Variants in RORA observed in about 807,000 individuals in gnomAD.
RORA encodes nuclear receptor ROR-alpha.
Under a neutral mutation model 69.5 loss-of-function variants are expected in RORA, and 7 were observed. The ratio of observed to expected loss-of-function variants is 0.10; its 90% CI spans 0.06 to 0.19. The LOEUF is 0.19. Among genes scored for constraint, RORA ranks in the 10% least tolerant of loss-of-function variants. The pLI, the probability that RORA is intolerant of heterozygous loss-of-function variation, is 1.00. For synonymous variants in RORA, 261 were observed against 240.8 expected (o/e 1.08, Z -0.78); for missense variants, 457 against 663.0 (o/e 0.69, Z 3.41).
At chr15:60,546,910 C>G (rs2067087084) in intron 2 of RORA, among the ~76,000 whole-genome samples, 1 of 152,158 alleles carries the variant, frequency 6.6e-6, no homozygotes, top group Non-Finnish European at 1.5e-5. Flanking sequence ...CAGGATTTTC[C>G]CTCGTGTTGT....
chr15:61,091,713 G>A (rs2078710029), intron 1 of RORA, among the ~76,000 whole-genome samples: 1 of 152,228 alleles, frequency 6.6e-6, no homozygotes, highest in African/African-American at 2.4e-5. Flanking sequence ...AGGAAAGGTA[G>A]ACTCGACATA....
intron 1 of RORA, among the ~76,000 whole-genome samples, chr15:60,843,266 A>C (rs1459849987): frequency 6.6e-6 from 1 of 152,180 alleles, no homozygotes; most frequent in East Asian, 1.9e-4. Flanking sequence ...AGTCTCCTGC[A>C]CTCTAACTTC....
chr15:60,951,871 A>G (rs921836687), intron 1 of RORA, among the ~76,000 whole-genome samples: 7 of 151,440 alleles, frequency 4.6e-5, no homozygotes, highest in African/African-American at 1.4e-4. Context: ...ACAAGGAGGA[A>G]CTGGTACCAT....
At chr15:60,827,827 T>A (rs1022191770) in intron 1 of RORA, among the ~76,000 whole-genome samples, 1 of 152,234 alleles carries the variant, frequency 6.6e-6, no homozygotes, top group Non-Finnish European at 1.5e-5. Flanking sequence ...TCTTGAAGAC[T>A]CCTTTATAGC....
chr15:60,937,275 T>A (rs1028590899), intron 1 of RORA, among the ~76,000 whole-genome samples: 29 of 152,200 alleles, frequency 1.9e-4, no homozygotes, highest in African/African-American at 6.5e-4. Context: ...ACTCTCTGAA[T>A]TCTTCTAGAT....
chr15:60,901,615 GA>G (rs1400123192), intron 1 of RORA, among the ~76,000 whole-genome samples: 5 of 152,092 alleles, frequency 3.3e-5, no homozygotes, highest in Non-Finnish European at 4.4e-5. Flanking sequence ...CTGAAAAAAA[GA>G]ATACACATAA....
chr15:60,669,340 TTTGTTTGTTTG>T lies in RORA; in HGVS notation c.196+9306_196+9316del, dbSNP rs762146611. The stretch of plus-strand genomic sequence containing the variant: ...ATCTCTCCTTCCCAATAAGCGTTTT[TTTGTTTGTTTG>T]TTTGTTTGTTTGTTTGTTTGTTTTT... On this transcript the variant is annotated intron_variant, in intron 2 of 10. Transcript: ENST00000335670. Among the ~76,000 whole-genome samples, 88 of 89,770 alleles carry T rather than the reference TTTGTTTGTTTG, an allele frequency of 9.8e-4. 3 individuals carry two copies. The Middle Eastern group carries it at 0.047, about 47-fold the overall frequency. 58.9% of individuals were successfully genotyped at this position (89,770 alleles called of 152,430 possible). A position where few individuals can be genotyped will look rare whatever the true frequency, so the allele number is the denominator to read the frequency against.
At chr15:61,142,057 AC>A (rs998585370) in intron 1 of RORA, among the ~76,000 whole-genome samples, 11 of 134,624 alleles carry the variant, frequency 8.2e-5, no homozygotes, top group East Asian at 3.2e-4. Flanking sequence ...GACAGCAGTT[AC>A]CCTTTCACAT....
At chr15:60,869,778 A>G (rs1343701451) in intron 1 of RORA, among the ~76,000 whole-genome samples, 1 of 152,212 alleles carries the variant, frequency 6.6e-6, no homozygotes, top group Non-Finnish European at 1.5e-5. Context: ...AAAGTGCATA[A>G]GCGATGCTAG....
chr15:60,744,835 C>T (rs1251111862), intron 1 of RORA, among the ~76,000 whole-genome samples: 3 of 152,230 alleles, frequency 2.0e-5, no homozygotes, highest in East Asian at 1.9e-4. Flanking sequence ...TTCTCTGAGT[C>T]GGGAGCCAGG....
At chr15:60,861,167 A>G (rs184491836) in intron 1 of RORA, among the ~76,000 whole-genome samples, 1 of 152,348 alleles carries the variant, frequency 6.6e-6, no homozygotes, top group Admixed American at 6.5e-5. Context: ...GGAATTGACA[A>G]TGCATGAGGA....
intron 1 of RORA, among the ~76,000 whole-genome samples, chr15:61,083,034 G>A (rs1405863105): frequency 6.6e-6 from 1 of 152,020 alleles, no homozygotes; most frequent in Admixed American, 6.5e-5. Context: ...CTTCCTTTTC[G>A]CCTTTCCACA....
In RORA at chr15:60,605,732, C is replaced by A. The variant is rs145578764; in HGVS notation, c.196+72925G>T. ...TACAAAGCAAAACAGATAAGTAAAA[C>A]CACAGAGTAAATAATGATTATATTA... On this transcript the variant is annotated intron_variant, in intron 2 of 10. Coordinates refer to ENST00000335670, the MANE Select transcript of RORA (RefSeq NM_134261.3). Among the ~76,000 whole-genome samples, 697 of 152,226 alleles carry A rather than the reference C, an allele frequency of 4.6e-3. 6 individuals are homozygous for A. The highest frequency in any genetic ancestry group is 0.016 in the African/African-American group (672 of 41,544).
At chr15:60,578,173 C>A (rs1012959207) in intron 2 of RORA, among the ~76,000 whole-genome samples, 39 of 152,158 alleles carry the variant, frequency 2.6e-4, no homozygotes, top group African/African-American at 9.2e-4. Context: ...ATATTTTGCA[C>A]TTTGAGTGGA....
chr15:60,500,027 C>A (rs199988270), intron 9 of RORA, 23 bp from the exon 10 acceptor site: 2 of 1,421,504 alleles, frequency 1.4e-6, no homozygotes, highest in South Asian at 1.2e-5. Context: ...AAATGATATT[C>A]TTTAGCATTC....
intron 2 of RORA, chr15:60,592,482 C>A: frequency 7.4e-7 from 1 of 1,342,926 alleles, no homozygotes; most frequent in Non-Finnish European, 9.6e-7. Flanking sequence ...CCTCTGCCGC[C>A]GCCGCGCCGC....
intron 3 of RORA, among the ~76,000 whole-genome samples, chr15:60,518,414 A>G (rs367706845): frequency 1.3e-5 from 2 of 152,260 alleles, no homozygotes; most frequent in Non-Finnish European, 2.9e-5. Context: ...TGTAGTAACC[A>G]TATCTTTTTA....
At chr15:60,552,992 T>C (rs2067265579) in intron 2 of RORA, among the ~76,000 whole-genome samples, 1 of 152,168 alleles carries the variant, frequency 6.6e-6, no homozygotes, top group Admixed American at 6.5e-5. Flanking sequence ...GGGCAAGTTA[T>C]TTAACCTCTC....
intron 1 of RORA, among the ~76,000 whole-genome samples, chr15:60,786,876 T>G (rs147247068): frequency 3.9e-5 from 6 of 152,214 alleles, no homozygotes; most frequent in African/African-American, 1.4e-4. Flanking sequence ...CAGCTCGTGA[T>G]AGGCATTTAG....
Sources: allele counts gnomAD v4.1 joint callset (sites outside exome capture counted in the v4.1 genomes callset), GRCh38; gene constraint gnomAD v4.1.1; transcripts MANE v1.5; gene names NCBI Gene and HGNC (gene_info 2026-07-23, HGNC 2026-07-21).